The following BTBD7 variants were observed in gnomAD, a reference collection of about 807,000 sequenced individuals.
BTBD7 encodes the protein BTB domain containing 7.
BTBD7 carries 38 observed loss-of-function variants against 99.9 expected under a neutral mutation model. The observed-to-expected ratio is 0.38, with a 90% CI of 0.29 to 0.50. BTBD7 has a LOEUF of 0.50. Among genes scored for constraint, BTBD7 ranks in the 20% least tolerant of loss-of-function variants. The probability of loss-of-function intolerance (pLI) is 0.93; values close to 1 mark genes in which losing one functional copy is unlikely to be tolerated. For missense variants in BTBD7, 1,170 were observed against 1,394.6 expected (o/e 0.84, Z 2.57); for synonymous variants, 520 against 511.4 (o/e 1.02, Z -0.23).
chr14:93,254,262 T>G (rs1379701522), intron 6 of BTBD7, among the ~76,000 whole-genome samples: 1 of 152,140 alleles, frequency 6.6e-6, no homozygotes, highest in Non-Finnish European at 1.5e-5. Context: ...TTAATAATAT[T>G]TAAAAGATTT....
In BTBD7 at chr14:93,263,838, A is replaced by T; in HGVS notation, c.1318T>A (p.Tyr440Asn). 6.2e-7 allele frequency: 1 copy of T among 1,614,194 alleles called. No individual in the cohort carries two copies. Among genetic ancestry groups the T allele is most frequent in the Non-Finnish European group, 8.5e-7 (1 of 1,180,034 alleles). ...FSQVMTSDVF[Y>N]ELSKDHLLTA... ...AGCAGATGGTCTTTGCTGAGTTCAT[A>T]AAAAACATCCGAAGTCATGACCTGG... The change falls in exon 4 of 11, where the codon TAT becomes AAT. Residue 440 changes from tyrosine to asparagine, a missense_variant. Tyr to Asn is a moderately radical substitution (Grantham distance 143). Around this residue, in one of 4 missense-constraint regions of BTBD7, gnomAD observed 309 missense variants for 342.0 expected, o/e 0.90. Transcript: ENST00000334746.
chr14:93,290,805 C>T (rs751753535), intron 3 of BTBD7, among the ~76,000 whole-genome samples: 3 of 152,014 alleles, frequency 2.0e-5, no homozygotes, highest in Non-Finnish European at 4.4e-5. Flanking sequence ...ATTCTCCTGC[C>T]TCAGCCTACC....
At chr14:93,280,673 A>G (rs2052708391) in intron 3 of BTBD7, among the ~76,000 whole-genome samples, 1 of 152,196 alleles carries the variant, frequency 6.6e-6, no homozygotes, top group Admixed American at 6.5e-5. Flanking sequence ...TTGTGGAGAC[A>G]TATTTAGTAA....
chr14:93,247,397 G>T (rs1003704401), intron 9 of BTBD7, among the ~76,000 whole-genome samples: 1 of 152,106 alleles, frequency 6.6e-6, no homozygotes, highest in African/African-American at 2.4e-5. Context: ...ACCCAGGCTG[G>T]AGTGCAGTGG....
intron 3 of BTBD7, among the ~76,000 whole-genome samples, chr14:93,283,308 G>A (rs2052741792): frequency 6.6e-6 from 1 of 152,108 alleles, no homozygotes; most frequent in African/African-American, 2.4e-5. Flanking sequence ...GAACTTCTGA[G>A]CTCAAGCTAT....
rs1226872649 is a variant in BTBD7, at chr14:93,300,768, GTGTGTATA to G, written c.-106-4619_-106-4612del. 2.6e-4 allele frequency among the ~76,000 whole-genome samples: 9 copies of G among 34,414 alleles called. 1 individual carries two copies. Among genetic ancestry groups the G allele is most frequent in the East Asian group, 1.5e-3 (2 of 1,336 alleles). The allele number at this position is 34,414 out of a possible 152,430, so 22.6% of individuals were successfully genotyped here. On this transcript the variant is annotated intron_variant, in intron 1 of 10. Coordinates refer to ENST00000334746, the MANE Select transcript of BTBD7 (RefSeq NM_001002860.4). ...TGTGTGTGTGTGTGTGTGTGTGTGT[GTGTGTATA>G]TATATATATATTTTTTTTTTGTAGA...
At chr14:93,280,557 T>C (rs921063263) in intron 3 of BTBD7, among the ~76,000 whole-genome samples, 3 of 150,450 alleles carry the variant, frequency 2.0e-5, no homozygotes, top group Non-Finnish European at 4.4e-5. Context: ...ATCAGAAGTT[T>C]TATAAACATA....
At chr14:93,312,521 T>C (rs2053149729) in intron 1 of BTBD7, among the ~76,000 whole-genome samples, 1 of 152,208 alleles carries the variant, frequency 6.6e-6, no homozygotes, top group African/African-American at 2.4e-5. Context: ...AATGACTTTG[T>C]ATGGCAGATG....
At chr14:93,322,341 A>C (rs773029856) in intron 1 of BTBD7, among the ~76,000 whole-genome samples, 4 of 152,100 alleles carry the variant, frequency 2.6e-5, no homozygotes, top group Non-Finnish European at 4.4e-5. Flanking sequence ...CTGGTCTTCA[A>C]TTCCAGGACT....
chr14:93,304,354 A>T (rs114841870), intron 1 of BTBD7, among the ~76,000 whole-genome samples: 112 of 152,272 alleles, frequency 7.4e-4, no homozygotes, highest in African/African-American at 2.5e-3. Context: ...TTTATTATTT[A>T]TTTATTTTTA....
intron 1 of BTBD7, among the ~76,000 whole-genome samples, chr14:93,325,105 A>C (rs79471359): frequency 1.6e-5 from 2 of 127,528 alleles, no homozygotes; most frequent in African/African-American, 6.7e-5. Context: ...AGCATGCTCC[A>C]ATTTTTTTTT....
chr14:93,272,134 T>A (rs923833974), intron 3 of BTBD7, among the ~76,000 whole-genome samples: 7 of 152,072 alleles, frequency 4.6e-5, no homozygotes, highest in African/African-American at 1.7e-4. Context: ...CTGACCAACA[T>A]GGTGAAACCC....
chr14:93,254,395 AT>A (rs1011016959), intron 6 of BTBD7, among the ~76,000 whole-genome samples: 92 of 152,094 alleles, frequency 6.0e-4, no homozygotes, highest in South Asian at 1.0e-3. Flanking sequence ...ATGAAAACCA[AT>A]TTTTTTTCTT....
intron 1 of BTBD7, among the ~76,000 whole-genome samples, chr14:93,311,628 G>A (rs1202844453): frequency 6.6e-6 from 1 of 151,768 alleles, no homozygotes; most frequent in Middle Eastern, 3.2e-3. Context: ...TCTCACATAT[G>A]AAAACCCTCT....
intron 3 of BTBD7, among the ~76,000 whole-genome samples, chr14:93,281,109 TCC>T (rs2052714327): frequency 1.3e-5 from 2 of 151,580 alleles, no homozygotes; most frequent in Admixed American, 6.6e-5. Context: ...CTCTTGATCC[TCC>T]CACTTCAGCC....
At chr14:93,247,620 A>G (rs968867503) in intron 9 of BTBD7, among the ~76,000 whole-genome samples, 1 of 152,224 alleles carries the variant, frequency 6.6e-6, no homozygotes, top group Non-Finnish European at 1.5e-5. Context: ...AGTTGGGATT[A>G]CAGGCGTGAG....
intron 1 of BTBD7, among the ~76,000 whole-genome samples, chr14:93,306,433 C>G (rs546798536): frequency 6.9e-6 from 1 of 143,968 alleles, no homozygotes; most frequent in South Asian, 2.2e-4. Context: ...ACAACCTCAT[C>G]TCTCTTTAAA....
At chr14:93,330,000 C>T (rs1270727568) in intron 1 of BTBD7, among the ~76,000 whole-genome samples, 2 of 152,200 alleles carry the variant, frequency 1.3e-5, no homozygotes, top group East Asian at 1.9e-4. Context: ...TATCTGCTAT[C>T]CAAATCCTTC....
chr14:93,317,917 C>T (rs1263407948), intron 1 of BTBD7, among the ~76,000 whole-genome samples: 1 of 152,164 alleles, frequency 6.6e-6, no homozygotes, highest in African/African-American at 2.4e-5. Context: ...TATAAGCTTC[C>T]CTGGAAGACA....
Sources: allele counts gnomAD v4.1 joint callset (sites outside exome capture counted in the v4.1 genomes callset), GRCh38; gene constraint gnomAD v4.1.1; regional missense constraint gnomAD v4.1.1; transcripts MANE v1.5; gene names NCBI Gene and HGNC (gene_info 2026-07-23, HGNC 2026-07-21).